The following RPP40 variants were observed in gnomAD, a reference collection of about 807,000 sequenced individuals.
RPP40 encodes the protein ribonuclease P/MRP subunit p40.
In RPP40, 30 loss-of-function variants were observed where a neutral mutation model predicts 42.5. That is an observed-to-expected ratio of 0.71 (90% CI 0.53 to 0.96). The LOEUF is 0.96. Among genes scored for constraint, RPP40 ranks in the 40% least tolerant of loss-of-function variants. The pLI, the probability that RPP40 is intolerant of heterozygous loss-of-function variation, is 0.00. For synonymous variants in RPP40, 173 were observed against 164.0 expected, an observed-to-expected ratio of 1.05 and a Z score of -0.42; for missense variants, 426 against 433.5, an observed-to-expected ratio of 0.98 and a Z score of 0.15.
Position 4,999,803 on chromosome 6 carries a change from A to G in RPP40, c.433+6T>C. 7 of 1,480,410 alleles carry G rather than the reference A, an allele frequency of 4.7e-6. No homozygotes were observed. Among genetic ancestry groups the G allele is most frequent in the Non-Finnish European group, 5.7e-6 (6 of 1,059,124 alleles). The allele number at this position is 1,480,410 out of a possible 1,614,324, so 91.7% of individuals were successfully genotyped here. A position where few individuals can be genotyped will look rare whatever the true frequency, so the allele number is the denominator to read the frequency against. On this transcript the variant is annotated splice_donor_region_variant and intron_variant, in intron 4 of 7. Coordinates refer to ENST00000380051, the MANE Select transcript of RPP40 (RefSeq NM_006638.4). ...TAGAAACAGATGGAACACACATGAT[A>G]CTTACTAAATTTCATAATTTTTCTG...
intron 2 of RPP40, among the ~76,000 whole-genome samples, chr6:5,000,927 C>T (rs1759536566): frequency 6.6e-6 from 1 of 151,140 alleles, no homozygotes; most frequent in South Asian, 2.1e-4. Flanking sequence ...GAAGACCAAG[C>T]ATGCAGAAGA....
At chr6:5,003,779 C>G in intron 1 of RPP40, 101 bp downstream of exon 1, 3 of 1,413,772 alleles carry the variant, frequency 2.1e-6, no homozygotes, top group Non-Finnish European at 9.4e-7. Flanking sequence ...CCTCCGCGTA[C>G]CGCCGGCGGC....
chr6:4,999,101 A>G (rs1443463535), intron 4 of RPP40, among the ~76,000 whole-genome samples: 1 of 152,104 alleles, frequency 6.6e-6, no homozygotes, highest in Non-Finnish European at 1.5e-5. Context: ...GAGGACCTTG[A>G]GAGGTCAGGT....
chr6:4,993,041 A>T (rs191489705), downstream of RPP40, among the ~76,000 whole-genome samples: 1 of 152,182 alleles, frequency 6.6e-6, no homozygotes, highest in Non-Finnish European at 1.5e-5. Context: ...TACATATATT[A>T]TAAATCCTAC....
chr6:4,999,268 C>G (rs1485657073), intron 4 of RPP40, among the ~76,000 whole-genome samples: 1 of 149,452 alleles, frequency 6.7e-6, no homozygotes, highest in Non-Finnish European at 1.5e-5. Flanking sequence ...TTGTAGACTC[C>G]TATCTTGGGT....
intron 7 of RPP40, among the ~76,000 whole-genome samples, chr6:4,995,610 C>CA (rs1759350872): frequency 6.6e-6 from 1 of 152,196 alleles, no homozygotes; most frequent in African/African-American, 2.4e-5. Flanking sequence ...CTCAGAGTCT[C>CA]AGTTAACTGA....
chr6:5,001,972 T>G, intron 2 of RPP40, 129 bp downstream of exon 2: 2 of 753,712 alleles, frequency 2.7e-6, no homozygotes, highest in East Asian at 2.6e-5. Context: ...GGAGAACGCG[T>G]GTGCACCTGA....
At chr6:4,990,866 G>A (rs1162834633), downstream of RPP40, among the ~76,000 whole-genome samples, 1 of 152,004 alleles carries the variant, frequency 6.6e-6, no homozygotes, top group Non-Finnish European at 1.5e-5. Flanking sequence ...TTCTTCTTGG[G>A]TGAGCTTTGG....
In RPP40 at chr6:4,995,100, G is replaced by T; in HGVS notation, c.1070C>A (p.Ala357Glu). ...QDYWLQMAVG[A>E]NDHCPP ...TTTTTATGGTGGACAGTGATCATTT[G>T]CCCCAACAGCCATCTGAAGCCAATA... is the stretch of plus-strand genomic sequence containing the variant. Residue 357 changes from alanine (A) to glutamate (E), a missense_variant, in exon 8 of 8, where the codon GCA (alanine) becomes GAA (glutamate). Physicochemically the swap from Ala to Glu is moderately radical, Grantham distance 107. Coordinates refer to ENST00000380051, the MANE Select transcript of RPP40 (RefSeq NM_006638.4). 6.2e-7 allele frequency: 1 copy of T among 1,613,354 alleles called. No individual in the cohort carries two copies. Among genetic ancestry groups the T allele is most frequent in the Non-Finnish European group, 8.5e-7 (1 of 1,179,558 alleles).
At chr6:4,995,496 CTG>C (rs1470064482) in intron 7 of RPP40, among the ~76,000 whole-genome samples, 1 of 152,184 alleles carries the variant, frequency 6.6e-6, no homozygotes, top group Admixed American at 6.5e-5. Context: ...CAAACCTCAG[CTG>C]TTCCCACCCT....
rs1011841298 is a variant in RPP40, at chr6:4,996,483, A to G, written c.560-63T>C. On this transcript the variant is annotated intron_variant, in intron 5 of 7. Coordinates refer to ENST00000380051, the MANE Select transcript of RPP40 (RefSeq NM_006638.4). ...TGACCATCGTAAGCAAGTTTAGTGA[A>G]TACCTGAACCCACCCATTCCCATCT... The G allele has an allele frequency of 2.0e-6, 3 of 1,480,300 alleles. No individual in the cohort carries two copies. The African/African-American group carries it at 4.1e-5, about 20-fold the overall frequency. The allele number at this position is 1,480,300 out of a possible 1,614,324, so 91.7% of individuals were successfully genotyped here.
chr6:4,991,119 A>G (rs1042908957), downstream of RPP40, among the ~76,000 whole-genome samples: 6 of 151,678 alleles, frequency 4.0e-5, no homozygotes, highest in Admixed American at 3.9e-4. Flanking sequence ...TGATTCATTC[A>G]TTTTTCTCTA....
intron 5 of RPP40, among the ~76,000 whole-genome samples, chr6:4,997,590 G>A (rs1198678217): frequency 3.3e-5 from 5 of 152,164 alleles, no homozygotes; most frequent in South Asian, 4.1e-4. Context: ...ACAGCCTGTC[G>A]TGGGACTCCT....
At position 5,000,938 on chromosome 6, in the gene RPP40, A is replaced by C. The variant is rs111243429; in HGVS notation, c.269-307T>G. On this transcript the variant is annotated intron_variant, in intron 2 of 7. Coordinates refer to ENST00000380051, the MANE Select transcript of RPP40 (RefSeq NM_006638.4). Reference sequence around the variant, plus strand: ...TGCAGAAGACCAAGCATGCAGAAGAACAAGCATGCAGAAGACCAAGCATGC... The same window carrying C: ...TGCAGAAGACCAAGCATGCAGAAGACCAAGCATGCAGAAGACCAAGCATGC... Among the ~76,000 whole-genome samples the C allele has an allele frequency of 2.7e-3, 318 of 116,872 alleles. 2 individuals are homozygous for C. The highest frequency in any genetic ancestry group is 9.6e-3 in the Middle Eastern group (2 of 208). 76.7% of individuals were successfully genotyped at this position (116,872 alleles called of 152,430 possible). A position where few individuals can be genotyped will look rare whatever the true frequency, so the allele number is the denominator to read the frequency against.
At chr6:4,989,629 G>C in the RPP40 span, among the ~76,000 whole-genome samples, 1 of 152,152 alleles carries the variant, frequency 6.6e-6, no homozygotes, top group Non-Finnish European at 1.5e-5. Flanking sequence ...GTAGTTTTCA[G>C]TGTACAGTAT....
chr6:4,996,177 C>A, intron 6 of RPP40, 45 bp downstream of exon 6: 3 of 1,606,472 alleles, frequency 1.9e-6, no homozygotes, highest in Non-Finnish European at 2.6e-6. Context: ...TAAAAACAAG[C>A]AGCAGGCCAG....
In RPP40 at chr6:4,996,279, G is replaced by A; in HGVS notation, c.701C>T (p.Ser234Phe). ...GTCGAAGAGCTCCAGAGCCCGGCAG[G>A]ACACCTCTGGCGTTCCCTCCAGCTC... ...SSELEGTPEVSCRALELFDWL... is the reference protein window; with the variant it reads ...SSELEGTPEVFCRALELFDWL... Residue 234 changes from serine to phenylalanine, a missense_variant, in exon 6 of 8, where the codon TCC (serine) becomes TTC (phenylalanine). Coordinates refer to ENST00000380051, the MANE Select transcript of RPP40 (RefSeq NM_006638.4). 2 of 1,614,106 alleles carry A rather than the reference G, an allele frequency of 1.2e-6. No homozygotes were observed. Among genetic ancestry groups the A allele is most frequent in the Admixed American group, 1.7e-5 (1 of 60,028 alleles).
downstream of RPP40, among the ~76,000 whole-genome samples, chr6:4,992,679 G>A (rs2127538466): frequency 6.6e-6 from 1 of 152,138 alleles, no homozygotes; most frequent in East Asian, 1.9e-4. Flanking sequence ...AATTGGTGGT[G>A]TTCACACTAT....
At chr6:4,992,448 A>AT (rs962338925), downstream of RPP40, among the ~76,000 whole-genome samples, 52 of 151,952 alleles carry the variant, frequency 3.4e-4, no homozygotes, top group Middle Eastern at 0.024. Flanking sequence ...CCAGTCTCAG[A>AT]TATTTCTTTA....
Sources: gnomAD v4.1 joint callset for allele counts (sites outside exome capture counted in the v4.1 genomes callset) on GRCh38, gnomAD v4.1.1 for gene constraint, MANE v1.5 for transcripts, NCBI Gene and HGNC (gene_info 2026-07-23, HGNC 2026-07-21) for gene names.